TSHR: variants seen among roughly 807,000 people sequenced by gnomAD.
TSHR encodes thyrotropin receptor.
A neutral mutation model predicts 64.1 loss-of-function variants in TSHR; 51 were observed. That is an observed-to-expected ratio of 0.80 (90% CI 0.64 to 1.01). The LOEUF (loss-of-function observed/expected upper bound fraction) is 1.01. Ranked by LOEUF, TSHR falls within the 50% of genes least tolerant of loss-of-function variation. The pLI, the probability that TSHR is intolerant of heterozygous loss-of-function variation, is 0.00. For missense variants in TSHR, 877 were observed against 942.8 expected, an observed-to-expected ratio of 0.93 and a Z score of 0.91; for synonymous variants, 361 against 361.9, an observed-to-expected ratio of 1.00 and a Z score of 0.03.
chr14:81,012,211 A>T (rs1889951211), intron 1 of TSHR: 1 of 151,230 alleles, frequency 6.6e-6, no homozygotes, highest in South Asian at 2.1e-4. Flanking sequence ...TGTTCTTGCG[A>T]TAGTTTACTA....
At chr14:81,032,173 A>T (rs1243820054) in intron 1 of TSHR, among the ~76,000 whole-genome samples, 1 of 152,170 alleles carries the variant, frequency 6.6e-6, no homozygotes, top group Non-Finnish European at 1.5e-5. Flanking sequence ...AGAACCAAAC[A>T]AACTTCCACT....
chr14:80,976,004 C>T (rs179262), intron 1 of TSHR, among the ~76,000 whole-genome samples: 51,901 of 151,514 alleles, frequency 0.34, 9,594 homozygotes, highest in Non-Finnish European at 0.41. Flanking sequence ...CTCCGCCTCC[C>T]GGGTTCACAC....
intron 8 of TSHR, among the ~76,000 whole-genome samples, chr14:81,128,127 A>G: frequency 6.6e-6 from 1 of 152,238 alleles, no homozygotes; most frequent in East Asian, 1.9e-4. Context: ...ATTTGTACAC[A>G]TAGACTTTAA....
chr14:81,059,619 T>TA (rs1173909705), intron 1 of TSHR, among the ~76,000 whole-genome samples: 1 of 152,144 alleles, frequency 6.6e-6, no homozygotes, highest in African/African-American at 2.4e-5. Context: ...ACATTATTTT[T>TA]ATCTCAGGCT....
chr14:81,013,600 T>C (rs1293915194), intron 1 of TSHR: 4 of 152,194 alleles, frequency 2.6e-5, no homozygotes, highest in Non-Finnish European at 5.9e-5. Context: ...TACTCTTTAT[T>C]GTCCACCATA....
At chr14:81,075,785 C>T (rs1330939123) in intron 3 of TSHR, among the ~76,000 whole-genome samples, 4 of 151,910 alleles carry the variant, frequency 2.6e-5, no homozygotes, top group South Asian at 2.1e-4. Context: ...CCCAGCCATC[C>T]CATTACTGAG....
intron 2 of TSHR, among the ~76,000 whole-genome samples, chr14:81,067,953 A>ATATATATATATATATATATATT (rs566603342): frequency 7.1e-6 from 1 of 141,406 alleles, no homozygotes; most frequent in Non-Finnish European, 1.5e-5. Context: ...ATATATATAT[A>ATATATATATATATATATATATT]TCGCTAAATA....
intron 6 of TSHR, among the ~76,000 whole-genome samples, chr14:81,094,679 ATT>A (rs1162262371): frequency 2.6e-4 from 20 of 76,260 alleles, no homozygotes; most frequent in African/African-American, 1.2e-3. Flanking sequence ...TATTTTTTTA[ATT>A]TTTTTTTTTT....
intron 1 of TSHR, among the ~76,000 whole-genome samples, chr14:80,965,173 C>G (rs1317021093): frequency 6.6e-6 from 1 of 152,146 alleles, no homozygotes; most frequent in African/African-American, 2.4e-5. Flanking sequence ...TTGTTACTAA[C>G]AGGCTTCAGA....
chr14:81,017,179 T>C (rs894804986), intron 1 of TSHR, among the ~76,000 whole-genome samples: 1 of 152,236 alleles, frequency 6.6e-6, no homozygotes, highest in Non-Finnish European at 1.5e-5. Flanking sequence ...AATGGAACAC[T>C]AGGCATAAAT....
intron 1 of TSHR, among the ~76,000 whole-genome samples, chr14:80,966,118 C>T (rs1367002681): frequency 2.0e-4 from 31 of 152,196 alleles, no homozygotes; most frequent in Non-Finnish European, 1.5e-5. Flanking sequence ...CCTGTGTGTT[C>T]TCATAATTAT....
chr14:81,119,747 C>T (rs373596939), intron 8 of TSHR, among the ~76,000 whole-genome samples: 46 of 121,046 alleles, frequency 3.8e-4, no homozygotes, highest in Non-Finnish European at 6.2e-4. Context: ...TATTGCGGCA[C>T]TATTCACAAT....
At chr14:81,125,857 C>A (rs1006339363) in intron 8 of TSHR, among the ~76,000 whole-genome samples, 1 of 151,728 alleles carries the variant, frequency 6.6e-6, no homozygotes, top group Non-Finnish European at 1.5e-5. Context: ...GTAGGTCATC[C>A]CTCCTAAGTC....
At chr14:81,105,769 G>T (rs1300029470) in intron 7 of TSHR, among the ~76,000 whole-genome samples, 1 of 152,244 alleles carries the variant, frequency 6.6e-6, no homozygotes, top group African/African-American at 2.4e-5. Flanking sequence ...AGCAGTTAGA[G>T]ATGAAGAGGA....
chr14:81,096,372 C>G (rs1158749474), intron 6 of TSHR, among the ~76,000 whole-genome samples: 1 of 152,134 alleles, frequency 6.6e-6, no homozygotes, highest in Non-Finnish European at 1.5e-5. Flanking sequence ...TCAATGGTAA[C>G]AAGTTTGTTA....
At chr14:80,969,927 A>G (rs935032572) in intron 1 of TSHR, among the ~76,000 whole-genome samples, 3 of 152,254 alleles carry the variant, frequency 2.0e-5, no homozygotes, top group Admixed American at 6.5e-5. Flanking sequence ...ATTACTTGCT[A>G]CTTCTTGGTA....
At chr14:81,031,665 A>T (rs1280553781) in intron 1 of TSHR, among the ~76,000 whole-genome samples, 5 of 152,150 alleles carry the variant, frequency 3.3e-5, no homozygotes, top group African/African-American at 9.7e-5. Context: ...GAGGCAGTGG[A>T]TCTATCCCAT....
At chr14:81,020,177 T>C (rs1664600521) in intron 1 of TSHR, among the ~76,000 whole-genome samples, 1 of 152,230 alleles carries the variant, frequency 6.6e-6, no homozygotes, top group South Asian at 2.1e-4. Context: ...CATTGTTGAA[T>C]GGATAAATGA....
At chr14:80,976,894 A>C (rs1887907983) in intron 1 of TSHR, among the ~76,000 whole-genome samples, 1 of 152,212 alleles carries the variant, frequency 6.6e-6, no homozygotes, top group African/African-American at 2.4e-5. Context: ...TATTCTTCCT[A>C]ATTGGGATAA....
Sources: allele counts gnomAD v4.1 joint callset (sites outside exome capture counted in the v4.1 genomes callset), GRCh38; gene constraint gnomAD v4.1.1; transcripts MANE v1.5; gene names NCBI Gene and HGNC (gene_info 2026-07-23, HGNC 2026-07-21).